TMEM132D: variants seen among roughly 807,000 people sequenced by gnomAD.
The protein encoded by TMEM132D is transmembrane protein 132D, also known as mature OL transmembrane protein.
Under a neutral mutation model 62.3 loss-of-function variants are expected in TMEM132D, and 21 were observed. The observed-to-expected ratio is 0.34, with a 90% CI of 0.24 to 0.49. The LOEUF (loss-of-function observed/expected upper bound fraction) is 0.49, where lower values mean the gene tolerates loss of function less well. Among genes scored for constraint, TMEM132D ranks in the 20% least tolerant of loss-of-function variants. The probability of loss-of-function intolerance (pLI) is 0.99; values close to 1 mark genes in which losing one functional copy is unlikely to be tolerated. For synonymous variants in TMEM132D, 621 were observed against 575.6 expected, an observed-to-expected ratio of 1.08 and a Z score of -1.13; for missense variants, 1,346 against 1,402.8, an observed-to-expected ratio of 0.96 and a Z score of 0.65.
intron 4 of TMEM132D, among the ~76,000 whole-genome samples, chr12:129,305,549 A>G (rs1254726233): frequency 1.3e-5 from 2 of 152,224 alleles, no homozygotes; most frequent in Non-Finnish European, 2.9e-5. Flanking sequence ...GGCCTGTTAT[A>G]AAGCCATCCA....
Position 129,827,479 on chromosome 12 carries a change from G to A in TMEM132D, c.79+75782C>T, listed in dbSNP as rs943286155. The stretch of plus-strand genomic sequence containing the variant: ...GAGTAGAATTTGCAAAATACTAATG[G>A]GTATTTTGCAACTTTTTAACTATTT... On this transcript the variant is annotated intron_variant, in intron 1 of 8. Transcript: ENST00000422113. The surrounding 1 kb of genome is among the most constrained non-coding windows in gnomAD (Gnocchi z 9.7). Among the ~76,000 whole-genome samples, 1 of 151,856 alleles carries A rather than the reference G, an allele frequency of 6.6e-6. No homozygotes were observed. The highest frequency in any genetic ancestry group is 1.5e-5 in the Non-Finnish European group (1 of 68,010).
intron 3 of TMEM132D, among the ~76,000 whole-genome samples, chr12:129,514,346 C>A (rs1875611631): frequency 6.6e-6 from 1 of 152,146 alleles, no homozygotes; most frequent in South Asian, 2.1e-4. Flanking sequence ...CTGTCACTTT[C>A]AATAGACAGA....
chr12:129,726,250 A>C (rs1869032040), intron 1 of TMEM132D, among the ~76,000 whole-genome samples: 1 of 152,198 alleles, frequency 6.6e-6, no homozygotes, highest in Non-Finnish European at 1.5e-5. Context: ...CACAGCCATG[A>C]GTACGGCCCC....
chr12:129,642,397 C>A (rs1158337383), intron 2 of TMEM132D, among the ~76,000 whole-genome samples: 1 of 152,222 alleles, frequency 6.6e-6, no homozygotes, highest in Admixed American at 6.5e-5. Flanking sequence ...TGGAAGCGCA[C>A]CTTCGAGAGC....
chr12:129,093,090 C>T (rs1329160360), intron 5 of TMEM132D, among the ~76,000 whole-genome samples: 1 of 152,190 alleles, frequency 6.6e-6, no homozygotes, highest in East Asian at 1.9e-4. Flanking sequence ...CCATGCAGGA[C>T]ATGCTGGACC....
At chr12:129,588,065 C>T (rs1179037403) in intron 2 of TMEM132D, among the ~76,000 whole-genome samples, 1 of 152,212 alleles carries the variant, frequency 6.6e-6, no homozygotes, top group East Asian at 1.9e-4. Context: ...CCATATCACT[C>T]AGACAACTTG....
At chr12:129,339,194 G>C (rs1869386750) in intron 3 of TMEM132D, among the ~76,000 whole-genome samples, 1 of 151,910 alleles carries the variant, frequency 6.6e-6, no homozygotes, top group Non-Finnish European at 1.5e-5. Flanking sequence ...TTGAACCTGG[G>C]AGGCAGAGGT....
chr12:129,424,663 A>G (rs7308949), intron 3 of TMEM132D, among the ~76,000 whole-genome samples: 73,050 of 138,898 alleles, frequency 0.53, 19,443 homozygotes, highest in East Asian at 0.75. Context: ...AGCTGAGATC[A>G]CGCCACTACA....
At chr12:129,159,105 A>T (rs1483341207) in intron 5 of TMEM132D, among the ~76,000 whole-genome samples, 6 of 152,208 alleles carry the variant, frequency 3.9e-5, no homozygotes, top group African/African-American at 1.4e-4. Flanking sequence ...GCCAAACCAT[A>T]TCATCAATTG....
chr12:129,559,194 A>T lies in TMEM132D; in HGVS notation c.969-27989T>A, dbSNP rs116377354. 8.8e-3 allele frequency among the ~76,000 whole-genome samples: 1,340 copies of T among 152,338 alleles called. 23 individuals carry two copies. The highest frequency in any genetic ancestry group is 0.03 in the African/African-American group (1,247 of 41,582). ...GATAAGTGACAAAATGGCTTTATTT[A>T]TAAAGTAGGTACAAAGGCAAATGTG... On this transcript the variant is annotated intron_variant, in intron 2 of 8. Coordinates refer to ENST00000422113, the MANE Select transcript of TMEM132D (RefSeq NM_133448.3).
intron 1 of TMEM132D, among the ~76,000 whole-genome samples, chr12:129,775,006 G>A (rs1310204137): frequency 1.2e-5 from 1 of 85,112 alleles, no homozygotes; most frequent in African/African-American, 2.9e-5. Flanking sequence ...CCTTCATAAA[G>A]CACTGGGGAA....
intron 2 of TMEM132D, among the ~76,000 whole-genome samples, chr12:129,662,377 T>C (rs989430670): frequency 3.3e-5 from 5 of 152,120 alleles, no homozygotes; most frequent in Admixed American, 2.6e-4. Context: ...GGAGAAGGAG[T>C]GGCGAGGTTC....
intron 2 of TMEM132D, among the ~76,000 whole-genome samples, chr12:129,534,975 A>G (rs1876339286): frequency 3.3e-5 from 5 of 152,124 alleles, no homozygotes; most frequent in Admixed American, 3.3e-4. Context: ...ATTTATGATC[A>G]TTTCCAATTA....
chr12:129,578,545 G>GTA (rs1032228064), intron 2 of TMEM132D, among the ~76,000 whole-genome samples: 5 of 151,390 alleles, frequency 3.3e-5, no homozygotes, highest in African/African-American at 9.7e-5. Flanking sequence ...ATATGTGTAC[G>GTA]TATATATATA....
chr12:129,392,055 C>T (rs1369220829), intron 3 of TMEM132D, among the ~76,000 whole-genome samples: 1 of 150,778 alleles, frequency 6.6e-6, no homozygotes, highest in East Asian at 2.0e-4. Flanking sequence ...CCATGCCTGG[C>T]CTCAGTATTT....
At chr12:129,885,159 G>A (rs905079972) in intron 1 of TMEM132D, among the ~76,000 whole-genome samples, 2 of 152,204 alleles carry the variant, frequency 1.3e-5, no homozygotes, top group Non-Finnish European at 2.9e-5. Context: ...GGAAACTTTT[G>A]AGGGTTACAG....
chr12:129,298,058 T>C (rs757095728), intron 4 of TMEM132D, among the ~76,000 whole-genome samples: 18 of 152,112 alleles, frequency 1.2e-4, no homozygotes, highest in Admixed American at 3.3e-4. Context: ...ACAACATTAA[T>C]ACATATCACC....
intron 1 of TMEM132D, among the ~76,000 whole-genome samples, chr12:129,774,104 C>T (rs1251537113): frequency 7.2e-5 from 11 of 152,192 alleles, no homozygotes; most frequent in Non-Finnish European, 1.5e-5. Flanking sequence ...AAAATTCTAT[C>T]TGTTTTCAGT....
intron 2 of TMEM132D, among the ~76,000 whole-genome samples, chr12:129,613,326 G>A (rs1246637186): frequency 1.3e-5 from 2 of 152,074 alleles, no homozygotes; most frequent in African/African-American, 4.8e-5. Context: ...TTGTAACAAA[G>A]GTCTCATGTA....
Sources: allele counts gnomAD v4.1 joint callset (sites outside exome capture counted in the v4.1 genomes callset), GRCh38; gene constraint gnomAD v4.1.1; non-coding constraint Gnocchi (gnomAD v3.1); transcripts MANE v1.5; gene names NCBI Gene and HGNC (gene_info 2026-07-23, HGNC 2026-07-21).